Variants in C2orf81 observed in about 807,000 individuals in gnomAD.
C2orf81 encodes the protein chromosome 2 open reading frame 81.
In C2orf81, 5 loss-of-function variants were observed where a neutral mutation model predicts 7.9. That is an observed-to-expected ratio of 0.63 (90% confidence interval 0.33 to 1.33). The LOEUF (loss-of-function observed/expected upper bound fraction) is 1.33. Among genes scored for constraint, C2orf81 ranks in the 40% most tolerant of loss-of-function variants. C2orf81 has a pLI of 0.05. For missense variants in C2orf81, 781 were observed against 830.4 expected (o/e 0.94, Z 0.73); for synonymous variants, 346 against 367.4 (o/e 0.94, Z 0.66).
intron 1 of C2orf81, 37 bp from the exon 2 acceptor site, chr2:74,416,278 CAAG>C (rs1224517586): frequency 7.7e-7 from 1 of 1,292,016 alleles, no homozygotes; most frequent in Non-Finnish European, 1.0e-6. Flanking sequence ...AGCAGGAAAC[CAAG>C]AAGTGGAACG....
At chr2:74,417,156 C>T (rs1234387003) in intron 1 of C2orf81, among the ~76,000 whole-genome samples, 1 of 152,172 alleles carries the variant, frequency 6.6e-6, no homozygotes, top group East Asian at 1.9e-4. Context: ...AACATTGAAC[C>T]AAAAACAAAA....
In C2orf81 at chr2:74,414,640, G is replaced by T; in HGVS notation, c.1537C>A (p.Leu513Met). 1 of 1,550,020 alleles carries T rather than the reference G, an allele frequency of 6.5e-7. No homozygotes were observed. The highest frequency in any genetic ancestry group is 1.2e-5 in the South Asian group (1 of 83,876). The change falls in exon 3 of 3, where the codon CTG becomes ATG. Residue 513 changes from leucine to methionine, a missense_variant. Transcript: ENST00000684111. This position sits in a 1 kb window ranked among gnomAD's most constrained non-coding sequence, Gnocchi z 5.3. ...WPSGWEGKAE[L>M]LGELWAGRTR... ...CGGCCAGCCCACAGCTCGCCCAGCA[G>T]CTCGGCCTTCCCCTCCCAACCGCTG...
intron 1 of C2orf81, chr2:74,418,426 G>C: frequency 6.4e-7 from 1 of 1,568,930 alleles, no homozygotes; most frequent in Non-Finnish European, 8.8e-7. Flanking sequence ...GCTGGACTTC[G>C]AGCTCGACTC....
chr2:74,418,030 G>T, intron 1 of C2orf81: 1 of 514,816 alleles, frequency 1.9e-6, no homozygotes. Context: ...GTGGTGGCTG[G>T]AGGCGGTGGT....
At position 74,414,617 on chromosome 2, in the gene C2orf81, G is replaced by T; in HGVS notation, c.1560C>A (p.Gly520=). 6.5e-7 allele frequency: 1 copy of T among 1,549,888 alleles called. No homozygotes were observed. Residue 520 remains glycine, a synonymous_variant, in exon 3 of 3, where the codon GGC becomes GGA. Coordinates refer to ENST00000684111, the MANE Select transcript of C2orf81 (RefSeq NM_001316764.3). This position sits in a 1 kb window ranked among gnomAD's most constrained non-coding sequence, Gnocchi z 5.3. ...GACCCTGTGGAGGCACGCGGGTCCG[G>T]CCAGCCCACAGCTCGCCCAGCAGCT... ...KAELLGELWA[G]RTRVPPQGLE...
In C2orf81 at chr2:74,416,025, A is replaced by G. The variant is rs1363937256; in HGVS notation, c.235T>C (p.Tyr79His). 2.6e-6 allele frequency: 4 copies of G among 1,550,134 alleles called. No homozygotes were observed. In the East Asian group the frequency reaches 9.8e-5, roughly 38 times the overall value. ...ARVMDSAFKV[Y>H]LTQQCIPFTI... is the part of the protein sequence containing the mutation. ...TCCCGGCCCACCTGCTGAGTCAGGTAGACTTTGAAAGCAGAGTCCATGACT... is the reference window on the plus strand; with the variant it reads ...TCCCGGCCCACCTGCTGAGTCAGGTGGACTTTGAAAGCAGAGTCCATGACT... The change falls in exon 2 of 3, where the codon TAC becomes CAC. Residue 79 changes from tyrosine to histidine, a missense_variant. Tyr to His is a moderately conservative substitution (Grantham distance 83). Transcript: ENST00000684111.
At chr2:74,418,302 C>T (rs988068750) in intron 1 of C2orf81, 2 of 1,607,280 alleles carry the variant, frequency 1.2e-6, no homozygotes, top group Admixed American at 3.3e-5. Flanking sequence ...CTTCGCTGAG[C>T]TCCTTCTGAC....
chr2:74,419,282 A>T (rs1268785100), intron 1 of C2orf81, among the ~76,000 whole-genome samples: 3 of 152,196 alleles, frequency 2.0e-5, no homozygotes, highest in Admixed American at 6.5e-5. Context: ...AGGCTGAGGC[A>T]GGGGGATTGC....
chr2:74,414,927 C>A lies in C2orf81; in HGVS notation c.1250G>T (p.Arg417Leu). 6.5e-7 allele frequency: 1 copy of A among 1,544,844 alleles called. No homozygotes were observed. The change falls in exon 3 of 3, where the codon CGG becomes CTG. Residue 417 changes from arginine to leucine, a missense_variant. Arg to Leu is a moderately radical substitution (Grantham distance 102). Coordinates refer to ENST00000684111, the MANE Select transcript of C2orf81 (RefSeq NM_001316764.3). The surrounding 1 kb of genome is among the most constrained non-coding windows in gnomAD (Gnocchi z 5.3). ...GGGGCCGAGGGCTTGGGGTTCGGCC[C>A]GGGCCTTGGTCTTCTCGCCCCGCTG... ...GRQRGEKTKA[R>L]AEPQALGPGT...
In C2orf81 at chr2:74,414,961, G is replaced by A. The variant is rs771214248; in HGVS notation, c.1216C>T (p.Arg406Cys). ...DSQTRPLEAY[R>C]GRQRGEKTKA... ...GTCTTCTCGCCCCGCTGGCGTCCGC[G>A]GTAGGCTTCCAAGGGGCGTGTTTGA... Residue 406 changes from arginine (R) to cysteine (C), a missense_variant, in exon 3 of 3, where the codon CGC becomes TGC. By Grantham distance (180) the Arg-to-Cys change is radical. Coordinates refer to ENST00000684111, the MANE Select transcript of C2orf81 (RefSeq NM_001316764.3). The surrounding 1 kb of genome is among the most constrained non-coding windows in gnomAD (Gnocchi z 5.3). 6.4e-5 allele frequency: 99 copies of A among 1,548,000 alleles called. No homozygotes were observed. The highest frequency in any genetic ancestry group is 4.6e-5 in the Non-Finnish European group (53 of 1,145,712).
rs1676432804 is a variant in C2orf81, at chr2:74,415,570, G to A, written c.607C>T (p.Arg203Ter). The A allele has an allele frequency of 1.3e-6, 2 of 1,550,942 alleles. No individual in the cohort carries two copies. ...RIPLGRSWMG[R>*]GSQEQMESWE... ...GATTCCATCTGCTCCTGGGAGCCTCGACCCATCCACGACCTTCCTAAAGGG... is the reference window on the plus strand; with the variant it reads ...GATTCCATCTGCTCCTGGGAGCCTCAACCCATCCACGACCTTCCTAAAGGG... Residue 203 changes from arginine to a stop codon, truncating the protein, a stop_gained, in exon 3 of 3, where the codon CGA becomes TGA. Coordinates refer to ENST00000684111, the MANE Select transcript of C2orf81 (RefSeq NM_001316764.3). LOFTEE classifies it low-confidence loss of function (END_TRUNC). This position sits in a 1 kb window ranked among gnomAD's most constrained non-coding sequence, Gnocchi z 5.5.
chr2:74,420,925 C>A (rs747035276), intron 1 of C2orf81, among the ~76,000 whole-genome samples: 2 of 151,942 alleles, frequency 1.3e-5, no homozygotes, highest in Non-Finnish European at 2.9e-5. Context: ...GGATTACAGG[C>A]ACCGCGCCAC....
chr2:74,415,123 G>A lies in C2orf81; in HGVS notation c.1054C>T (p.Arg352Trp), dbSNP rs1417324862. 6.5e-7 allele frequency: 1 copy of A among 1,543,592 alleles called. No homozygotes were observed. Among genetic ancestry groups the A allele is most frequent in the Non-Finnish European group, 8.7e-7 (1 of 1,143,450 alleles). ...AGCCGCACATCCGAGTGCCCGGCCCGCTGCTGCTGGCAGGACGCGGAGGGG... is the reference window on the plus strand; with the variant it reads ...AGCCGCACATCCGAGTGCCCGGCCCACTGCTGCTGGCAGGACGCGGAGGGG... ...TRPSASCQQQRAGHSDVRLSA... is the reference protein window; with the variant it reads ...TRPSASCQQQWAGHSDVRLSA... Residue 352 changes from arginine (R) to tryptophan (W), a missense_variant, in exon 3 of 3, where the codon CGG becomes TGG. By Grantham distance (101) the Arg-to-Trp change is moderately radical (BLOSUM62 -3). Coordinates refer to ENST00000684111, the MANE Select transcript of C2orf81 (RefSeq NM_001316764.3). The surrounding 1 kb of genome is among the most constrained non-coding windows in gnomAD (Gnocchi z 5.5).
Position 74,416,116 on chromosome 2 carries a change from C to A in C2orf81, c.144G>T (p.Met48Ile). Residue 48 changes from methionine (M) to isoleucine (I), a missense_variant, in exon 2 of 3, where the codon ATG (methionine) becomes ATT (isoleucine). Transcript: ENST00000684111. ...VPGRLSEAEW[M>I]ALTALEEGED... ...CGCCCTCCTCGAGGGCTGTAAGCGC[C>A]ATCCACTCGGCCTCACTGAGCCGCC... 2.6e-6 allele frequency: 4 copies of A among 1,535,790 alleles called. No homozygotes were observed. The South Asian group carries it at 4.8e-5, about 18-fold the overall frequency.
chr2:74,416,565 CAAAAAAAAAAAAAA>C (rs59349435), intron 1 of C2orf81: 3 of 52,198 alleles, frequency 5.7e-5, no homozygotes, highest in Non-Finnish European at 1.4e-4. Context: ...GACTGCGTCT[CAAAAAAAAAAAAAA>C]AAAAAAAAAA....
intron 1 of C2orf81, among the ~76,000 whole-genome samples, chr2:74,420,499 C>T (rs1676573954): frequency 1.3e-5 from 2 of 152,180 alleles, no homozygotes; most frequent in South Asian, 2.1e-4. Context: ...ATTATCCCCC[C>T]AAATCTGCTG....
chr2:74,415,642 G>T lies in C2orf81; in HGVS notation c.535C>A (p.His179Asn). The T allele has an allele frequency of 6.4e-7, 1 of 1,551,172 alleles. No homozygotes were observed. Among genetic ancestry groups the T allele is most frequent in the Non-Finnish European group, 8.7e-7 (1 of 1,146,994 alleles). The change falls in exon 3 of 3, where the codon CAC (histidine) becomes AAC (asparagine). Residue 179 changes from histidine (H) to asparagine (N), a missense_variant. Coordinates refer to ENST00000684111, the MANE Select transcript of C2orf81 (RefSeq NM_001316764.3). The surrounding 1 kb of genome is among the most constrained non-coding windows in gnomAD (Gnocchi z 5.5). The stretch of plus-strand genomic sequence containing the variant: ...TCCTGGGGAAATGCACTCGGGCAGT[G>T]AGATGTCGGAAAGGGGAGAGCAGGA... Reference protein sequence around the residue: ...IAPALPFPTSHCPSAFPQDPG... With the variant: ...IAPALPFPTSNCPSAFPQDPG...
rs1471061291 is a variant in C2orf81, at chr2:74,415,719, A to G, written c.458T>C (p.Phe153Ser). 1 of 1,551,522 alleles carries G rather than the reference A, an allele frequency of 6.4e-7. No individual in the cohort carries two copies. Among genetic ancestry groups the G allele is most frequent in the African/African-American group, 1.4e-5 (1 of 73,162 alleles). The change falls in exon 3 of 3, where the codon TTC becomes TCC. Residue 153 changes from phenylalanine to serine, a missense_variant. Transcript: ENST00000684111. The surrounding 1 kb of genome is among the most constrained non-coding windows in gnomAD (Gnocchi z 5.5). ...HASTSEGLEN[F>S]QGEVHSSGAS... ...TCCTGAGGAGTGTACTTCGCCTTGG[A>G]AGTTCTCCAGGCCCTCCGAGGTGGA...
intron 1 of C2orf81, chr2:74,417,680 T>TG: frequency 3.2e-6 from 2 of 628,600 alleles, no homozygotes; most frequent in Non-Finnish European, 4.8e-6. Context: ...TGTGCCAGAA[T>TG]GGGGGCTTGG....
Sources: gnomAD v4.1 joint callset for allele counts (sites outside exome capture counted in the v4.1 genomes callset) on GRCh38, gnomAD v4.1.1 for gene constraint, Gnocchi (gnomAD v3.1) non-coding constraint, MANE v1.5 for transcripts, NCBI Gene and HGNC (gene_info 2026-07-23, HGNC 2026-07-21) for gene names.